The following NRXN3 variants were observed in gnomAD, a reference collection of about 807,000 sequenced individuals.
The protein encoded by NRXN3 is neurexin III.
Under a neutral mutation model 137.6 loss-of-function variants are expected in NRXN3, and 32 were observed. That is an observed-to-expected ratio of 0.23 (90% confidence interval 0.18 to 0.31). The LOEUF is 0.31. Ranked by LOEUF, NRXN3 falls within the 10% of genes least tolerant of loss-of-function variation. The pLI is 1.00. For missense variants in NRXN3, 1,574 were observed against 2,062.5 expected (o/e 0.76, Z 4.59); for synonymous variants, 798 against 784.5 (o/e 1.02, Z -0.29).
At chr14:79,492,037 G>A (rs926348461) in intron 16 of NRXN3, among the ~76,000 whole-genome samples, 5 of 152,080 alleles carry the variant, frequency 3.3e-5, no homozygotes, top group Non-Finnish European at 5.9e-5. Flanking sequence ...ATGTCTATAA[G>A]TTGTTAGTGC....
chr14:78,766,493 C>T (rs182686917), intron 8 of NRXN3, among the ~76,000 whole-genome samples: 20 of 152,280 alleles, frequency 1.3e-4, no homozygotes, highest in South Asian at 8.3e-4. Flanking sequence ...ATTTGCAGCT[C>T]GAGGTCTATG....
At chr14:79,836,052 C>T (rs1468272438) in intron 20 of NRXN3, among the ~76,000 whole-genome samples, 8 of 152,178 alleles carry the variant, frequency 5.3e-5, no homozygotes, top group South Asian at 2.1e-4. Flanking sequence ...TTCCAATTCC[C>T]GACTCTGCAT....
At chr14:79,836,031 G>A (rs1187918153) in intron 20 of NRXN3, among the ~76,000 whole-genome samples, 5 of 152,142 alleles carry the variant, frequency 3.3e-5, no homozygotes, top group Non-Finnish European at 7.4e-5. Context: ...ACTCAGTTTT[G>A]TGCAGTTGAT....
At chr14:78,397,140 A>T (rs1049003560) in intron 4 of NRXN3, among the ~76,000 whole-genome samples, 1 of 152,176 alleles carries the variant, frequency 6.6e-6, no homozygotes, top group Non-Finnish European at 1.5e-5. Context: ...CATCATGTGG[A>T]TTTAAACATT....
chr14:78,993,016 A>G (rs1332083950), intron 15 of NRXN3, among the ~76,000 whole-genome samples: 1 of 152,156 alleles, frequency 6.6e-6, no homozygotes, highest in African/African-American at 2.4e-5. Flanking sequence ...TGTTGGAGAA[A>G]TTCCTAGGTT....
chr14:79,127,435 C>T (rs2056715457), intron 15 of NRXN3, among the ~76,000 whole-genome samples: 1 of 152,186 alleles, frequency 6.6e-6, no homozygotes, highest in African/African-American at 2.4e-5. Context: ...AACAGGGAAT[C>T]CTTTCCCCAT....
At chr14:78,918,159 C>A (rs971092651) in intron 10 of NRXN3, among the ~76,000 whole-genome samples, 39 of 151,262 alleles carry the variant, frequency 2.6e-4, no homozygotes, top group African/African-American at 9.5e-4. Context: ...GTGGCGCATG[C>A]CCGTAATCCC....
At chr14:79,712,172 A>T (rs2098806780) in intron 19 of NRXN3, among the ~76,000 whole-genome samples, 2 of 152,228 alleles carry the variant, frequency 1.3e-5, no homozygotes, top group Non-Finnish European at 2.9e-5. Flanking sequence ...CTATACTGGT[A>T]ACCCTTTTAT....
At chr14:78,543,307 C>T (rs2096608969) in intron 4 of NRXN3, among the ~76,000 whole-genome samples, 1 of 152,152 alleles carries the variant, frequency 6.6e-6, no homozygotes, top group African/African-American at 2.4e-5. Flanking sequence ...TTATGTAAAA[C>T]TTAATGCATA....
chr14:78,172,006 G>A (rs2058770887), intron 1 of NRXN3, among the ~76,000 whole-genome samples: 1 of 152,022 alleles, frequency 6.6e-6, no homozygotes, highest in African/African-American at 2.4e-5. Context: ...TCTTCTCCCC[G>A]CTTCCTTCGG....
chr14:79,525,005 A>G (rs2097105304), intron 16 of NRXN3, among the ~76,000 whole-genome samples: 1 of 152,130 alleles, frequency 6.6e-6, no homozygotes, highest in Non-Finnish European at 1.5e-5. Flanking sequence ...TGGGGGTCTT[A>G]TGACCTATAA....
chr14:79,548,041 T>A (rs1028658364), intron 16 of NRXN3, among the ~76,000 whole-genome samples: 16 of 152,036 alleles, frequency 1.1e-4, no homozygotes, highest in Admixed American at 2.6e-4. Context: ...AACTATTAAT[T>A]TTTTTTATTA....
chr14:79,716,675 G>C (rs960518095), intron 19 of NRXN3, among the ~76,000 whole-genome samples: 2 of 152,072 alleles, frequency 1.3e-5, no homozygotes, highest in Non-Finnish European at 2.9e-5. Flanking sequence ...TGAACCAGAA[G>C]CTGGAGATAA....
At chr14:78,218,396 A>G (rs2063507330) in intron 1 of NRXN3, among the ~76,000 whole-genome samples, 1 of 152,282 alleles carries the variant, frequency 6.6e-6, no homozygotes, top group Admixed American at 6.5e-5. Context: ...ATGAAATAAA[A>G]AATTAATCTT....
At chr14:79,313,753 C>T (rs2153231901) in intron 15 of NRXN3, among the ~76,000 whole-genome samples, 1 of 69,604 alleles carries the variant, frequency 1.4e-5, no homozygotes, top group South Asian at 6.1e-4. Context: ...CTGCATTCTT[C>T]ACGTAGTTCT....
intron 16 of NRXN3, among the ~76,000 whole-genome samples, chr14:79,533,668 A>G (rs545076743): frequency 6.6e-6 from 1 of 152,294 alleles, no homozygotes; most frequent in African/African-American, 2.4e-5. Context: ...ATTTTGGCAT[A>G]TTGATTGTCT....
At chr14:78,215,881 C>T (rs1335341746) in intron 1 of NRXN3, among the ~76,000 whole-genome samples, 2 of 152,166 alleles carry the variant, frequency 1.3e-5, no homozygotes, top group African/African-American at 4.8e-5. Flanking sequence ...TTCTTAAGGG[C>T]ATCCCTCCCA....
At chr14:78,848,053 T>G (rs2099032445) in intron 10 of NRXN3, among the ~76,000 whole-genome samples, 1 of 152,060 alleles carries the variant, frequency 6.6e-6, no homozygotes, top group African/African-American at 2.4e-5. Flanking sequence ...GCCTAGAATC[T>G]GAGGAGGAAA....
intron 6 of NRXN3, among the ~76,000 whole-genome samples, chr14:78,663,097 C>T (rs539448846): frequency 2.6e-5 from 4 of 152,256 alleles, no homozygotes; most frequent in African/African-American, 7.2e-5. Context: ...TTAAAGAGAG[C>T]GAGTGTCTTT....
Sources: gnomAD v4.1 joint callset for allele counts (sites outside exome capture counted in the v4.1 genomes callset) on GRCh38, gnomAD v4.1.1 for gene constraint, MANE v1.5 for transcripts, NCBI Gene and HGNC (gene_info 2026-07-23, HGNC 2026-07-21) for gene names.